Variants in CPEB4 observed in about 807,000 individuals in gnomAD.
The protein encoded by CPEB4 is cytoplasmic polyadenylation element binding protein 4.
Under a neutral mutation model 72.5 loss-of-function variants are expected in CPEB4, and 12 were observed. The observed-to-expected ratio is 0.17, with a 90% CI of 0.11 to 0.27. The LOEUF (loss-of-function observed/expected upper bound fraction) is 0.27. Ranked by LOEUF, CPEB4 falls within the 10% of genes least tolerant of loss-of-function variation. CPEB4 has a pLI of 1.00. For synonymous variants in CPEB4, 302 were observed against 326.3 expected (o/e 0.93, Z 0.80); for missense variants, 614 against 908.5 (o/e 0.68, Z 4.17).
At chr5:173,942,987 TG>T (rs764942230) in intron 3 of CPEB4, 38 bp from the exon 4 acceptor site, 16 of 1,600,870 alleles carry the variant, frequency 1.0e-5, no homozygotes, top group Non-Finnish European at 1.2e-5. Flanking sequence ...AAGGTTGTTT[TG>T]TTTTTTTGTT....
rs13175345 is a variant in CPEB4 at position 173,914,525 on chromosome 5, G to A, written c.1207+3921G>A. Among the ~76,000 whole-genome samples, 62 of 152,264 alleles carry A rather than the reference G, an allele frequency of 4.1e-4. 2 individuals are homozygous for A. The South Asian group carries it at 6.6e-3, about 16-fold the overall frequency. On this transcript the variant is annotated intron_variant, in intron 2 of 9. Coordinates refer to ENST00000265085, the MANE Select transcript of CPEB4 (RefSeq NM_030627.4). ...AACCCTAGCACTTTGGGAGGGCCAG[G>A]TGGGTGCATCACCTGAGGTCAGGAG...
In CPEB4 at chr5:173,889,578, C is replaced by A; in HGVS notation, c.-156C>A. 1 of 573,152 alleles carries A rather than the reference C, an allele frequency of 1.7e-6. No individual in the cohort carries two copies. Among genetic ancestry groups the A allele is most frequent in the Non-Finnish European group, 3.0e-6 (1 of 333,364 alleles). 35.5% of individuals were successfully genotyped at this position (573,152 alleles called of 1,614,324 possible). ...CAGAGACCAGAATTCCAAATCAGAACAATTTAAGGTGATAAGCTGCGATCT... is the reference window on the plus strand; with the variant it reads ...CAGAGACCAGAATTCCAAATCAGAAAAATTTAAGGTGATAAGCTGCGATCT... On this transcript the variant is annotated 5_prime_UTR_variant, in exon 1 of 10. Transcript: ENST00000265085.
At chr5:173,929,514 C>T (rs1444939723) in intron 2 of CPEB4, among the ~76,000 whole-genome samples, 1 of 152,006 alleles carries the variant, frequency 6.6e-6, no homozygotes, top group Non-Finnish European at 1.5e-5. Context: ...GCCTGGGTAA[C>T]ATAGGGAGAC....
chr5:173,914,707 G>A (rs1429484941), intron 2 of CPEB4, among the ~76,000 whole-genome samples: 1 of 152,178 alleles, frequency 6.6e-6, no homozygotes, highest in African/African-American at 2.4e-5. Flanking sequence ...AATGAGCCGA[G>A]ATCGGGCCAC....
chr5:173,923,351 A>G (rs747509911), intron 2 of CPEB4, among the ~76,000 whole-genome samples: 1 of 152,192 alleles, frequency 6.6e-6, no homozygotes, highest in Non-Finnish European at 1.5e-5. Flanking sequence ...AGTCAGAGAA[A>G]AGTCTAATTA....
intron 2 of CPEB4, among the ~76,000 whole-genome samples, chr5:173,911,003 T>C (rs925394495): frequency 7.2e-5 from 11 of 152,318 alleles, no homozygotes; most frequent in African/African-American, 2.6e-4. Flanking sequence ...CCTACTTTCA[T>C]GTTTTAAAAA....
At chr5:173,923,479 C>T (rs983787825) in intron 2 of CPEB4, among the ~76,000 whole-genome samples, 1 of 152,080 alleles carries the variant, frequency 6.6e-6, no homozygotes, top group Non-Finnish European at 1.5e-5. Context: ...TTCATGTCAG[C>T]ACAGAGAGCC....
chr5:173,903,290 G>T (rs1756306326), intron 1 of CPEB4, among the ~76,000 whole-genome samples: 1 of 152,162 alleles, frequency 6.6e-6, no homozygotes, highest in Non-Finnish European at 1.5e-5. Flanking sequence ...GCTGTTTCAG[G>T]TTTTGAGAGC....
At chr5:173,893,569 A>AG (rs1491216529) in intron 1 of CPEB4, among the ~76,000 whole-genome samples, 4 of 148,432 alleles carry the variant, frequency 2.7e-5, no homozygotes, top group South Asian at 4.4e-4. Context: ...TATTTCTCAC[A>AG]GGGGAAAAAA....
chr5:173,949,293 T>G (rs1364751686), intron 5 of CPEB4, among the ~76,000 whole-genome samples: 1 of 152,054 alleles, frequency 6.6e-6, no homozygotes, highest in Non-Finnish European at 1.5e-5. Context: ...GATTGATTTG[T>G]GCATATGTAC....
At position 173,950,614 on chromosome 5, in the gene CPEB4, A is replaced by C. The variant is rs551125050; in HGVS notation, c.1665+536A>C. Among the ~76,000 whole-genome samples the C allele has an allele frequency of 6.6e-6, 1 of 151,840 alleles. No homozygotes were observed. The highest frequency in any genetic ancestry group is 1.5e-5 in the Non-Finnish European group (1 of 67,948). The stretch of plus-strand genomic sequence containing the variant: ...GTGAGACTCTGTCTCAAAATAAAAT[A>C]AAATAAAATAAAATAAAATAAAAAA... On this transcript the variant is annotated intron_variant, in intron 7 of 9. Coordinates refer to ENST00000265085, the MANE Select transcript of CPEB4 (RefSeq NM_030627.4). The surrounding 1 kb of genome is among the most constrained non-coding windows in gnomAD (Gnocchi z 5.0).
intron 9 of CPEB4, chr5:173,953,580 T>C: frequency 2.8e-6 from 1 of 362,348 alleles, no homozygotes; most frequent in Non-Finnish European, 4.9e-6. Context: ...AAATATTTAC[T>C]GAATCCTTTG....
chr5:173,959,096 G>A lies in CPEB4; in HGVS notation c.*2959G>A, dbSNP rs1758466608. On this transcript the variant is annotated 3_prime_UTR_variant, in exon 10 of 10. Coordinates refer to ENST00000265085, the MANE Select transcript of CPEB4 (RefSeq NM_030627.4). ...CTTCAGATTACATGGGATTGTAGTTGGGAGTTACCATGTAACTCAAACATA... is the reference window on the plus strand; with the variant it reads ...CTTCAGATTACATGGGATTGTAGTTAGGAGTTACCATGTAACTCAAACATA... The A allele has an allele frequency of 6.6e-6, 1 of 152,662 alleles. No homozygotes were observed. The highest frequency in any genetic ancestry group is 1.5e-5 in the Non-Finnish European group (1 of 68,004). The allele number at this position is 152,662 out of a possible 1,614,324, so 9.5% of individuals were successfully genotyped here. A position where few individuals can be genotyped will look rare whatever the true frequency, so the allele number is the denominator to read the frequency against.
At position 173,888,354 on chromosome 5, in the gene CPEB4, G is replaced by A; in HGVS notation, c.-1380G>A. On this transcript the variant is annotated 5_prime_UTR_variant, in exon 1 of 10. Coordinates refer to ENST00000265085, the MANE Select transcript of CPEB4 (RefSeq NM_030627.4). This position sits in a 1 kb window ranked among gnomAD's most constrained non-coding sequence, Gnocchi z 4.3. ...TTCCAGCTGGTTGTCATTTCACTCG[G>A]CTCGGTCCTGAGGAGAAGGACTCAG... 2.4e-6 allele frequency: 1 copy of A among 409,752 alleles called. No individual in the cohort carries two copies. Among genetic ancestry groups the A allele is most frequent in the Non-Finnish European group, 4.3e-6 (1 of 233,640 alleles). 25.4% of individuals were successfully genotyped at this position (409,752 alleles called of 1,614,324 possible).
intron 2 of CPEB4, among the ~76,000 whole-genome samples, chr5:173,923,934 T>G (rs1278081910): frequency 6.6e-6 from 1 of 152,154 alleles, no homozygotes; most frequent in Non-Finnish European, 1.5e-5. Flanking sequence ...TTACTGGCAG[T>G]AGGAAATCTT....
Position 173,890,756 on chromosome 5 carries a change from T to C in CPEB4, c.1023T>C (p.Asn341=), listed in dbSNP as rs1561601495. The C allele has an allele frequency of 6.2e-7, 1 of 1,614,050 alleles. No individual in the cohort carries two copies. The highest frequency in any genetic ancestry group is 1.3e-5 in the African/African-American group (1 of 74,916). ...CTTTGAAGAAAAATTTTGCAAGCAATCATATTCAGCTCCAGAAGTATGCTC... is the reference window on the plus strand; with the variant it reads ...CTTTGAAGAAAAATTTTGCAAGCAACCATATTCAGCTCCAGAAGTATGCTC... ...ISPLKKNFAS[N]HIQLQKYARP... is the part of the protein sequence containing the mutation. Residue 341 remains asparagine, a synonymous_variant, in exon 1 of 10, where the codon AAT becomes AAC. Transcript: ENST00000265085.
intron 2 of CPEB4, among the ~76,000 whole-genome samples, chr5:173,914,655 G>T (rs932091488): frequency 6.6e-6 from 1 of 152,016 alleles, no homozygotes; most frequent in African/African-American, 2.4e-5. Flanking sequence ...ACTCCAGAGG[G>T]TGAGGCAGGA....
At chr5:173,913,477 C>T (rs966260965) in intron 2 of CPEB4, among the ~76,000 whole-genome samples, 1 of 152,144 alleles carries the variant, frequency 6.6e-6, no homozygotes, top group African/African-American at 2.4e-5. Flanking sequence ...GGATTACAGG[C>T]GTGAGCCACT....
chr5:173,936,059 G>C (rs1488298696), intron 3 of CPEB4, among the ~76,000 whole-genome samples: 1 of 152,140 alleles, frequency 6.6e-6, no homozygotes, highest in Non-Finnish European at 1.5e-5. Flanking sequence ...GTTAATAGTT[G>C]TAGAGATTTT....
Sources: gnomAD v4.1 joint callset for allele counts (sites outside exome capture counted in the v4.1 genomes callset) on GRCh38, gnomAD v4.1.1 for gene constraint, Gnocchi (gnomAD v3.1) non-coding constraint, MANE v1.5 for transcripts, NCBI Gene and HGNC (gene_info 2026-07-23, HGNC 2026-07-21) for gene names.